CTNS: variants seen among roughly 807,000 people sequenced by gnomAD.
CTNS encodes the protein cystinosin, lysosomal cystine transporter, also known as cystinosin.
A neutral mutation model predicts 43.7 loss-of-function variants in CTNS; 27 were observed. The observed-to-expected ratio is 0.62, with a 90% CI of 0.46 to 0.85. The LOEUF (loss-of-function observed/expected upper bound fraction) is 0.85, where lower values mean the gene tolerates loss of function less well. Among genes scored for constraint, CTNS ranks in the 40% least tolerant of loss-of-function variants. The probability of loss-of-function intolerance (pLI) is 0.00; values close to 1 mark genes in which losing one functional copy is unlikely to be tolerated. For missense variants in CTNS, 457 were observed against 475.4 expected (o/e 0.96, Z 0.36); for synonymous variants, 187 against 190.6 (o/e 0.98, Z 0.16).
intron 3 of CTNS, among the ~76,000 whole-genome samples, chr17:3,641,354 A>AGG (rs2075685485): frequency 2.2e-5 from 1 of 44,792 alleles, no homozygotes; most frequent in Non-Finnish European, 4.1e-5. Flanking sequence ...TACAAAAATC[A>AGG]GATACATATA....
Position 3,661,173 on chromosome 17 carries a change from C to T in CTNS, c.*804C>T. 1 of 266,304 alleles carries T rather than the reference C, an allele frequency of 3.8e-6. No individual in the cohort carries two copies. The highest frequency in any genetic ancestry group is 7.4e-6 in the Non-Finnish European group (1 of 134,786). 16.5% of individuals were successfully genotyped at this position (266,304 alleles called of 1,614,324 possible). On this transcript the variant is annotated 3_prime_UTR_variant, in exon 12 of 12. Transcript: ENST00000046640. ...CTGGAGTACAGGACATAGCTCTCTC[C>T]TGCTACCAGTCTGTGCCTTAGAGGT...
At chr17:3,636,952 C>T (rs1424689497) in intron 1 of CTNS, 121 bp downstream of exon 1, 1 of 152,246 alleles carries the variant, frequency 6.6e-6, no homozygotes, top group Non-Finnish European at 1.5e-5. Flanking sequence ...TCCCCGCCAC[C>T]AGTGCTGGCC....
chr17:3,640,760 C>T (rs115463966), intron 3 of CTNS, among the ~76,000 whole-genome samples: 3,379 of 152,258 alleles, frequency 0.022, 134 homozygotes, highest in African/African-American at 0.077. Flanking sequence ...AAAAATTAGC[C>T]ATATGCAGTG....
rs1229455104 is a variant in CTNS, at chr17:3,658,116, T to C, written c.793T>C (p.Phe265Leu). The change falls in exon 10 of 12, where the codon TTT becomes CTT. Residue 265 changes from phenylalanine (F) to leucine (L), a missense_variant. Physicochemically the swap from Phe to Leu is conservative, Grantham distance 22. Transcript: ENST00000046640. Reference protein sequence around the residue: ...AAVGVTTWLQFLFCFSYIKLA... With the variant: ...AAVGVTTWLQLLFCFSYIKLA... The stretch of plus-strand genomic sequence containing the variant: ...AGTGGGAGTGACCACGTGGCTGCAG[T>C]TTCTCTTCTGCTTCTCCTACATCAA... 1 of 1,612,138 alleles carries C rather than the reference T, an allele frequency of 6.2e-7. No individual in the cohort carries two copies. The highest frequency in any genetic ancestry group is 8.5e-7 in the Non-Finnish European group (1 of 1,179,790).
intron 3 of CTNS, among the ~76,000 whole-genome samples, chr17:3,646,081 G>A (rs1162353721): frequency 2.0e-5 from 3 of 152,080 alleles, no homozygotes; most frequent in South Asian, 2.1e-4. Context: ...TTCCCCGCCC[G>A]GCCTAGAGTC....
At chr17:3,640,654 T>C (rs936216300) in intron 3 of CTNS, among the ~76,000 whole-genome samples, 24 of 152,314 alleles carry the variant, frequency 1.6e-4, no homozygotes, top group African/African-American at 5.8e-4. Context: ...TTCCAGAGCT[T>C]TGGGAGGCCA....
Position 3,655,221 on chromosome 17 carries a change from C to A in CTNS, c.330C>A (p.Gly110=). The change falls in exon 7 of 12, where the codon GGC becomes GGA. Residue 110 remains glycine, a splice_region_variant and synonymous_variant. Coordinates refer to ENST00000046640, the MANE Select transcript of CTNS (RefSeq NM_004937.3). ...TCCCGGTCCCCAAACTCCTTTCCAGCCCGAGGATACGCTTTCTTGTGATCC... is the reference window on the plus strand; with the variant it reads ...TCCCGGTCCCCAAACTCCTTTCCAGACCGAGGATACGCTTTCTTGTGATCC... ...YLHGNHSNQT[G]PRIRFLVIRS... 1.2e-6 allele frequency: 2 copies of A among 1,614,204 alleles called. No individual in the cohort carries two copies. Among genetic ancestry groups the A allele is most frequent in the Non-Finnish European group, 1.7e-6 (2 of 1,180,036 alleles).
chr17:3,641,776 C>T lies in CTNS; in HGVS notation c.61+1509C>T, dbSNP rs574959355. Among the ~76,000 whole-genome samples the T allele has an allele frequency of 5.2e-4, 79 of 152,244 alleles. 1 individual carries two copies. Among genetic ancestry groups the T allele is most frequent in the Middle Eastern group, 3.4e-3 (1 of 294 alleles). ...TTTCCCCAGAGCCTAGCACCATTGC[C>T]GTTATCTGGCCTCTTGCATCTCTGA... On this transcript the variant is annotated intron_variant, in intron 3 of 11. Transcript: ENST00000046640.
At chr17:3,645,475 T>TC (rs2075821285) in intron 3 of CTNS, among the ~76,000 whole-genome samples, 1 of 152,010 alleles carries the variant, frequency 6.6e-6, no homozygotes, top group Admixed American at 6.6e-5. Flanking sequence ...CAGGCTGTGA[T>TC]CTCCTTAGAG....
chr17:3,660,580 C>G lies in CTNS; in HGVS notation c.*211C>G, dbSNP rs764591731. On this transcript the variant is annotated 3_prime_UTR_variant, in exon 12 of 12. Coordinates refer to ENST00000046640, the MANE Select transcript of CTNS (RefSeq NM_004937.3). Reference sequence around the variant, plus strand: ...TGGGCCTCCCCGGCCAGGCACGTGGCACCGTCGCCTTGACACCGCCATCTC... The same window carrying G: ...TGGGCCTCCCCGGCCAGGCACGTGGGACCGTCGCCTTGACACCGCCATCTC... The G allele has an allele frequency of 6.2e-7, 1 of 1,613,210 alleles. No homozygotes were observed. The highest frequency in any genetic ancestry group is 1.3e-5 in the African/African-American group (1 of 75,064).
chr17:3,656,960 G>T, intron 9 of CTNS, 165 bp downstream of exon 9: 1 of 1,124,286 alleles, frequency 8.9e-7, no homozygotes, highest in South Asian at 1.4e-5. Flanking sequence ...GGCCCTCAGA[G>T]CCCCCCAAGT....
chr17:3,643,292 C>T (rs984675995), intron 3 of CTNS, among the ~76,000 whole-genome samples: 9 of 151,380 alleles, frequency 5.9e-5, no homozygotes, highest in Non-Finnish European at 1.2e-4. Context: ...CCAGCCTGGG[C>T]GACAGAGCAA....
chr17:3,642,306 A>G (rs1177871959), intron 3 of CTNS, among the ~76,000 whole-genome samples: 1 of 152,114 alleles, frequency 6.6e-6, no homozygotes, highest in Non-Finnish European at 1.5e-5. Flanking sequence ...GGCTTCCCCA[A>G]AGTCACACAG....
chr17:3,659,133 A>C (rs563421564), intron 10 of CTNS, among the ~76,000 whole-genome samples: 3 of 152,166 alleles, frequency 2.0e-5, no homozygotes, highest in African/African-American at 7.2e-5. Context: ...GCCGGGACAC[A>C]GACAGGGACT....
intron 9 of CTNS, 84 bp from the exon 10 acceptor site, chr17:3,657,912 CCTCTCTAAG>C (rs1198297846): frequency 8.8e-6 from 13 of 1,479,092 alleles, no homozygotes; most frequent in Non-Finnish European, 1.2e-5. Flanking sequence ...CCTCCGTGCC[CCTCTCTAAG>C]CCCGCCCTAT....
intron 3 of CTNS, among the ~76,000 whole-genome samples, 171 bp downstream of exon 3, chr17:3,640,438 C>T (rs1456306524): frequency 6.6e-6 from 1 of 152,256 alleles, no homozygotes; most frequent in East Asian, 1.9e-4. Context: ...GGTCTGGGAT[C>T]CAGGTGTTCT....
chr17:3,658,577 T>C (rs900867812), intron 10 of CTNS, among the ~76,000 whole-genome samples: 1 of 152,246 alleles, frequency 6.6e-6, no homozygotes, highest in Non-Finnish European at 1.5e-5. Flanking sequence ...CCTATGAGCA[T>C]AGCCGGTCCT....
At position 3,660,642 on chromosome 17, in the gene CTNS, G is replaced by A; in HGVS notation, c.*273G>A. On this transcript the variant is annotated 3_prime_UTR_variant, in exon 12 of 12. Transcript: ENST00000046640. ...GCTTCAGGCAGCGCGCACAGGCTCT[G>A]GCAGCCGTCTCAGGCAGGACTGGGC... is the stretch of plus-strand genomic sequence containing the variant. 1.9e-6 allele frequency: 3 copies of A among 1,613,562 alleles called. No homozygotes were observed. The highest frequency in any genetic ancestry group is 2.5e-6 in the Non-Finnish European group (3 of 1,180,046).
At chr17:3,637,395 C>T (rs1410898682) in intron 2 of CTNS, 79 bp downstream of exon 2, 1 of 152,042 alleles carries the variant, frequency 6.6e-6, no homozygotes, top group Non-Finnish European at 1.5e-5. Flanking sequence ...ACCACTAGTA[C>T]GCTGTGTATT....
Sources: gnomAD v4.1 joint callset for allele counts (sites outside exome capture counted in the v4.1 genomes callset) on GRCh38, gnomAD v4.1.1 for gene constraint, MANE v1.5 for transcripts, NCBI Gene and HGNC (gene_info 2026-07-23, HGNC 2026-07-21) for gene names.